Variants in CTNNA3 observed in about 807,000 individuals in gnomAD.
The protein encoded by CTNNA3 is catenin alpha-3.
In CTNNA3, 76 loss-of-function variants were observed where a neutral mutation model predicts 95.7. The ratio of observed to expected loss-of-function variants is 0.79; its 90% CI spans 0.66 to 0.96. The LOEUF (loss-of-function observed/expected upper bound fraction) is 0.96, where lower values mean the gene tolerates loss of function less well. Ranked by LOEUF, CTNNA3 falls within the 40% of genes least tolerant of loss-of-function variation. The pLI, the probability that CTNNA3 is intolerant of heterozygous loss-of-function variation, is 0.00. For missense variants in CTNNA3, 1,191 were observed against 1,089.8 expected (o/e 1.09, Z -1.31); for synonymous variants, 431 against 374.4 (o/e 1.15, Z -1.74).
chr10:66,901,923 A>G (rs1309915847), intron 7 of CTNNA3, among the ~76,000 whole-genome samples: 1 of 152,220 alleles, frequency 6.6e-6, no homozygotes, highest in Non-Finnish European at 1.5e-5. Flanking sequence ...CCACACAATA[A>G]TAATGAGAGA....
At chr10:66,705,881 A>G (rs1848100757) in intron 9 of CTNNA3, among the ~76,000 whole-genome samples, 2 of 152,068 alleles carry the variant, frequency 1.3e-5, no homozygotes, top group Non-Finnish European at 2.9e-5. Flanking sequence ...ATTTTTCTCC[A>G]TAAAGCAGGC....
intron 7 of CTNNA3, among the ~76,000 whole-genome samples, chr10:66,866,886 C>A (rs529313447): frequency 6.6e-6 from 1 of 152,246 alleles, no homozygotes; most frequent in Admixed American, 6.5e-5. Flanking sequence ...CCATAATTCC[C>A]AGATATTGTG....
At chr10:66,119,227 G>A (rs1354279001) in intron 13 of CTNNA3, among the ~76,000 whole-genome samples, 1 of 152,126 alleles carries the variant, frequency 6.6e-6, no homozygotes. Flanking sequence ...CCATTATGAA[G>A]CTAATGTAAC....
chr10:66,699,351 T>C (rs138626670), intron 9 of CTNNA3, among the ~76,000 whole-genome samples: 236 of 152,304 alleles, frequency 1.5e-3, no homozygotes, highest in African/African-American at 5.4e-3. Context: ...CAGGGTTCCC[T>C]TTTCTTCACA....
chr10:66,649,127 G>A (rs560035196), intron 9 of CTNNA3, among the ~76,000 whole-genome samples: 1 of 152,222 alleles, frequency 6.6e-6, no homozygotes, highest in Non-Finnish European at 1.5e-5. Context: ...GTTTAAAGGA[G>A]GAATGATTGA....
At chr10:67,381,433 C>G (rs1041468787) in intron 5 of CTNNA3, among the ~76,000 whole-genome samples, 6 of 152,084 alleles carry the variant, frequency 3.9e-5, no homozygotes, top group African/African-American at 1.4e-4. Flanking sequence ...ACATGCTCTG[C>G]TCCACAGCCT....
At chr10:66,757,995 T>G (rs932251906) in intron 9 of CTNNA3, among the ~76,000 whole-genome samples, 1 of 152,172 alleles carries the variant, frequency 6.6e-6, no homozygotes, top group South Asian at 2.1e-4. Context: ...TTGGCACAGA[T>G]TACTAAATAT....
chr10:65,927,755 T>C (rs905890582), intron 17 of CTNNA3, among the ~76,000 whole-genome samples: 3 of 152,212 alleles, frequency 2.0e-5, no homozygotes, highest in Non-Finnish European at 4.4e-5. Flanking sequence ...AAAGTTGTTA[T>C]GGCATTATTG....
chr10:66,914,895 T>C (rs1846408292), intron 7 of CTNNA3, among the ~76,000 whole-genome samples: 1 of 152,192 alleles, frequency 6.6e-6, no homozygotes, highest in South Asian at 2.1e-4. Flanking sequence ...ATTGCTGGAT[T>C]TGATTGTGCC....
At chr10:66,008,500 T>C (rs138280597) in intron 15 of CTNNA3, among the ~76,000 whole-genome samples, 228 of 152,334 alleles carry the variant, frequency 1.5e-3, no homozygotes, top group Non-Finnish European at 2.6e-3. Flanking sequence ...GTGTCTTAAA[T>C]GGCAAAACAT....
chr10:66,020,863 T>C (rs996184615), intron 15 of CTNNA3, among the ~76,000 whole-genome samples: 6 of 151,812 alleles, frequency 4.0e-5, no homozygotes, highest in South Asian at 2.1e-4. Flanking sequence ...TTAGTAGAGA[T>C]GGGGTTTCAC....
intron 11 of CTNNA3, among the ~76,000 whole-genome samples, chr10:66,506,060 C>T (rs1840439402): frequency 6.6e-6 from 1 of 152,096 alleles, no homozygotes; most frequent in South Asian, 2.1e-4. Flanking sequence ...GGGGAGCCAG[C>T]ATGTAGAGAT....
Position 67,140,400 on chromosome 10 carries a change from T to C in CTNNA3, c.1047+39917A>G, listed in dbSNP as rs1860500528. Among the ~76,000 whole-genome samples, 3 of 152,264 alleles carry C rather than the reference T, an allele frequency of 2.0e-5. 1 individual carries two copies. In the South Asian group the frequency reaches 6.2e-4, roughly 32 times the overall value. ...AAATGGGCTGCATTAATAGTCCAGC[T>C]CTAACACAGAAGAAGCATTCGATTT... On this transcript the variant is annotated intron_variant, in intron 7 of 17. Transcript: ENST00000433211.
intron 7 of CTNNA3, among the ~76,000 whole-genome samples, chr10:66,916,716 T>A (rs865920457): frequency 2.0e-5 from 3 of 151,834 alleles, no homozygotes; most frequent in Admixed American, 2.0e-4. Flanking sequence ...TGAAAGAAAA[T>A]CAGTAAGGAA....
At chr10:67,169,582 G>A (rs1222168837) in intron 7 of CTNNA3, among the ~76,000 whole-genome samples, 1 of 152,128 alleles carries the variant, frequency 6.6e-6, no homozygotes, top group Non-Finnish European at 1.5e-5. Flanking sequence ...GCCATGCACA[G>A]ACGATTGACT....
At chr10:66,825,688 T>C (rs1250907926) in intron 7 of CTNNA3, among the ~76,000 whole-genome samples, 1 of 152,196 alleles carries the variant, frequency 6.6e-6, no homozygotes, top group African/African-American at 2.4e-5. Context: ...ATTTAAGATC[T>C]TCCACAAGCT....
intron 7 of CTNNA3, among the ~76,000 whole-genome samples, chr10:66,950,905 G>C (rs1460108089): frequency 6.6e-6 from 1 of 152,086 alleles, no homozygotes; most frequent in Non-Finnish European, 1.5e-5. Flanking sequence ...AATCACATGA[G>C]ACAGAATTTG....
intron 7 of CTNNA3, among the ~76,000 whole-genome samples, chr10:67,014,017 A>G (rs537364569): frequency 4.5e-4 from 69 of 152,264 alleles, no homozygotes; most frequent in African/African-American, 1.4e-3. Context: ...TCTAAAAACA[A>G]GTGATGAAGG....
intron 4 of CTNNA3, among the ~76,000 whole-genome samples, chr10:67,529,605 C>T (rs1442296259): frequency 6.6e-6 from 1 of 150,614 alleles, no homozygotes; most frequent in Non-Finnish European, 1.5e-5. Flanking sequence ...AACTAACCTG[C>T]ACATTGTGCA....
Sources: allele counts gnomAD v4.1 joint callset (sites outside exome capture counted in the v4.1 genomes callset), GRCh38; gene constraint gnomAD v4.1.1; transcripts MANE v1.5; gene names NCBI Gene and HGNC (gene_info 2026-07-23, HGNC 2026-07-21).